The following ATPAF1 variants were observed in gnomAD, a reference collection of about 807,000 sequenced individuals.
The protein encoded by ATPAF1 is ATP synthase mitochondrial F1 complex assembly factor 1, also known as homolog of yeast ATP11.
A neutral mutation model predicts 43.9 loss-of-function variants in ATPAF1; 26 were observed. The observed-to-expected ratio is 0.59, with a 90% confidence interval of 0.43 to 0.82. The LOEUF is 0.82. ATPAF1 is among the 40% of genes least tolerant of loss of function. ATPAF1 has a pLI of 0.00. For synonymous variants in ATPAF1, 157 were observed against 168.0 expected (o/e 0.93, Z 0.50); for missense variants, 366 against 435.0 (o/e 0.84, Z 1.41).
At chr1:46,644,399 A>G (rs936659368) in intron 7 of ATPAF1, among the ~76,000 whole-genome samples, 3 of 152,218 alleles carry the variant, frequency 2.0e-5, no homozygotes, top group South Asian at 2.1e-4. Context: ...GACATAATAT[A>G]TATAAAACAT....
intron 8 of ATPAF1, among the ~76,000 whole-genome samples, chr1:46,642,381 T>G (rs1379449628): frequency 6.6e-6 from 1 of 152,190 alleles, no homozygotes; most frequent in African/African-American, 2.4e-5. Context: ...GGGGACATTC[T>G]GAACTTAACC....
chr1:46,652,736 A>C, intron 5 of ATPAF1, 108 bp from the exon 6 acceptor site: 1 of 929,444 alleles, frequency 1.1e-6, no homozygotes, highest in Non-Finnish European at 1.7e-6. Flanking sequence ...TACAACTAAA[A>C]CAGTCATTTA....
rs1676207695 is a variant in ATPAF1 at position 46,653,441 on chromosome 1, T to C, written c.540+376A>G. ...GGCTCCAAGTCAGCTCAGGTATAGG[T>C]CACTTACAGGCAAGAAGGGAAAAAA... On this transcript the variant is annotated intron_variant, in intron 5 of 8. Coordinates refer to ENST00000574428, the Ensembl canonical transcript of ATPAF1. This position sits in a 1 kb window ranked among gnomAD's most constrained non-coding sequence, Gnocchi z 4.8. Among the ~76,000 whole-genome samples the C allele has an allele frequency of 6.6e-6, 1 of 151,980 alleles. No homozygotes were observed. Among genetic ancestry groups the C allele is most frequent in the South Asian group, 2.1e-4 (1 of 4,822 alleles).
chr1:46,642,952 GA>G lies in ATPAF1; in HGVS notation c.792+241del, dbSNP rs1445160596. On this transcript the variant is annotated intron_variant, in intron 8 of 8. Transcript: ENST00000574428. Reference sequence around the variant, plus strand: ...TACATAAGGTTTTGTGACCAAATGAGAACAAAAACATTTTGTTCTCAGAGCC... The same window carrying G: ...TACATAAGGTTTTGTGACCAAATGAGACAAAAACATTTTGTTCTCAGAGCC... Among the ~76,000 whole-genome samples the G allele has an allele frequency of 2.0e-5, 3 of 152,052 alleles. No individual in the cohort carries two copies. The South Asian group carries it at 6.2e-4, about 32-fold the overall frequency.
chr1:46,634,984 C>T (rs1569583732), downstream of ATPAF1: 1 of 152,588 alleles, frequency 6.6e-6, no homozygotes, highest in Non-Finnish European at 1.5e-5. Context: ...TTGCTTTCAT[C>T]CACTTTTTCG....
chr1:46,641,136 G>A (rs1675942259), intron 8 of ATPAF1, among the ~76,000 whole-genome samples: 1 of 152,086 alleles, frequency 6.6e-6, no homozygotes, highest in Non-Finnish European at 1.5e-5. Flanking sequence ...GGAGTGCAAT[G>A]GTGCAATCTC....
At chr1:46,668,415 G>A, upstream of ATPAF1, 1 of 1,171,396 alleles carries the variant, frequency 8.5e-7, no homozygotes, top group Non-Finnish European at 1.1e-6. The surrounding 1 kb of genome is among the most constrained non-coding windows in gnomAD (Gnocchi z 4.4). Context: ...CGCCGCGCCC[G>A]CGCTCCGGCA....
chr1:46,665,857 A>T, intron 1 of ATPAF1: 2 of 1,424,362 alleles, frequency 1.4e-6, no homozygotes, highest in South Asian at 1.5e-5. Flanking sequence ...TTAGCATCTG[A>T]GTATCTCCCT....
intron 6 of ATPAF1, among the ~76,000 whole-genome samples, chr1:46,645,968 A>G (rs1676036266): frequency 6.6e-6 from 1 of 152,152 alleles, no homozygotes; most frequent in Non-Finnish European, 1.5e-5. Context: ...TGAGCTCAGG[A>G]GTTTGAGGCC....
At chr1:46,661,202 A>G (rs556164913) in intron 2 of ATPAF1, among the ~76,000 whole-genome samples, 1 of 152,012 alleles carries the variant, frequency 6.6e-6, no homozygotes, top group East Asian at 1.9e-4. Flanking sequence ...CCTCCTGAGT[A>G]GCTGGGATTA....
chr1:46,633,464 TA>T, downstream of ATPAF1: 1 of 314,306 alleles, frequency 3.2e-6, no homozygotes, highest in Non-Finnish European at 6.1e-6. Context: ...TGTTCAACAG[TA>T]TAGAGCTAAT....
chr1:46,651,587 A>T (rs1037252848), intron 6 of ATPAF1, among the ~76,000 whole-genome samples: 2 of 151,956 alleles, frequency 1.3e-5, no homozygotes, highest in Non-Finnish European at 2.9e-5. Context: ...TGACTTCCAC[A>T]ATGGTTGAAC....
chr1:46,665,269 C>T, exon 2 of ATPAF1: 2 of 1,614,264 alleles, frequency 1.2e-6, no homozygotes, highest in Non-Finnish European at 8.5e-7. Context: ...CTGTTCCACA[C>T]ATTTGATAAA....
At chr1:46,641,347 G>A (rs960352889) in intron 8 of ATPAF1, among the ~76,000 whole-genome samples, 1 of 128,668 alleles carries the variant, frequency 7.8e-6, no homozygotes, top group Non-Finnish European at 1.7e-5. Context: ...CCAAAATGCT[G>A]GGATTACAAG....
chr1:46,659,953 A>G (rs1184970921), intron 2 of ATPAF1, among the ~76,000 whole-genome samples: 2 of 151,802 alleles, frequency 1.3e-5, no homozygotes, highest in Admixed American at 1.3e-4. Context: ...CCATCTAAAA[A>G]GGAGTTAATT....
chr1:46,666,772 T>C (rs974047050), intron 1 of ATPAF1, among the ~76,000 whole-genome samples: 2 of 152,130 alleles, frequency 1.3e-5, no homozygotes, highest in African/African-American at 2.4e-5. Flanking sequence ...ATTAAGGAGT[T>C]TGGATGTTAT....
Position 46,653,719 on chromosome 1 carries a change from G to A in ATPAF1, c.540+98C>T, listed in dbSNP as rs1339813706. On this transcript the variant is annotated intron_variant, in intron 5 of 8. Transcript: ENST00000574428. This position sits in a 1 kb window ranked among gnomAD's most constrained non-coding sequence, Gnocchi z 4.8. ...GGCTGTAAAATGCAGCTTCTCAAGA[G>A]GCAATAAACATAGGAAAAGTAAAGG... 7 of 1,131,000 alleles carry A rather than the reference G, an allele frequency of 6.2e-6. No homozygotes were observed. The highest frequency in any genetic ancestry group is 9.0e-6 in the Non-Finnish European group (7 of 780,180). 70.1% of individuals were successfully genotyped at this position (1,131,000 alleles called of 1,614,324 possible). A position where few individuals can be genotyped will look rare whatever the true frequency, so the allele number is the denominator to read the frequency against.
chr1:46,661,316 A>T (rs1333319269), intron 2 of ATPAF1, among the ~76,000 whole-genome samples: 1 of 152,098 alleles, frequency 6.6e-6, no homozygotes, highest in African/African-American at 2.4e-5. Context: ...ACCTCAAGTG[A>T]TCTGCCACCT....
intron 2 of ATPAF1, among the ~76,000 whole-genome samples, chr1:46,662,451 ATT>A (rs34146400): frequency 7.1e-5 from 10 of 140,204 alleles, no homozygotes; most frequent in East Asian, 2.1e-4. Flanking sequence ...CCCATCTGTT[ATT>A]TTTTTTTTTT....
Sources: allele counts gnomAD v4.1 joint callset (sites outside exome capture counted in the v4.1 genomes callset), GRCh38; gene constraint gnomAD v4.1.1; non-coding constraint Gnocchi (gnomAD v3.1); transcripts MANE v1.5; gene names NCBI Gene and HGNC (gene_info 2026-07-23, HGNC 2026-07-21).